The following NUP155 variants were observed in gnomAD, a reference collection of about 807,000 sequenced individuals.
NUP155 encodes the protein nuclear pore complex protein Nup155.
In NUP155, 71 loss-of-function variants were observed where a neutral mutation model predicts 180.4. The observed-to-expected ratio is 0.39, with a 90% CI of 0.33 to 0.48. The LOEUF is 0.48. Ranked by LOEUF, NUP155 falls within the 20% of genes least tolerant of loss-of-function variation. The pLI, the probability that NUP155 is intolerant of heterozygous loss-of-function variation, is 0.91. For missense variants in NUP155, 1,553 were observed against 1,648.9 expected (o/e 0.94, Z 1.01); for synonymous variants, 582 against 559.5 (o/e 1.04, Z -0.57).
chr5:37,355,046 C>G (rs942252852), intron 4 of NUP155, among the ~76,000 whole-genome samples: 81 of 148,992 alleles, frequency 5.4e-4, no homozygotes, highest in African/African-American at 1.9e-3. Context: ...GAGCCGAGAT[C>G]GTGCCATTGC....
chr5:37,324,598 C>A (rs1004428567), intron 19 of NUP155, among the ~76,000 whole-genome samples: 1 of 151,848 alleles, frequency 6.6e-6, no homozygotes, highest in Non-Finnish European at 1.5e-5. Flanking sequence ...TTGTTGTTGC[C>A]TGGGAGTGTA....
At chr5:37,370,372 CAATA>C (rs1287500450) in intron 1 of NUP155, among the ~76,000 whole-genome samples, 6 of 152,052 alleles carry the variant, frequency 3.9e-5, no homozygotes, top group Non-Finnish European at 7.3e-5. Context: ...CGCTCCGTCT[CAATA>C]AATAAACAAA....
At position 37,299,439 on chromosome 5, in the gene NUP155, AAC is replaced by A; in HGVS notation, c.3682+7_3682+8del. On this transcript the variant is annotated splice_region_variant and intron_variant, in intron 31 of 34. Transcript: ENST00000231498. ...ACGTATGCTAACATACCTATAACTG[AAC>A]ACTTACCTTTCTCTATGATATCTTG... 1 of 1,614,048 alleles carries A rather than the reference AAC, an allele frequency of 6.2e-7. No homozygotes were observed. Among genetic ancestry groups the A allele is most frequent in the Non-Finnish European group, 8.5e-7 (1 of 1,179,962 alleles).
At chr5:37,343,282 G>A (rs564594241) in intron 9 of NUP155, among the ~76,000 whole-genome samples, 42 of 152,050 alleles carry the variant, frequency 2.8e-4, no homozygotes, top group African/African-American at 9.2e-4. Context: ...CACTATGTTA[G>A]CCAGGATGGT....
chr5:37,300,010 T>G (rs1485506401), intron 30 of NUP155, among the ~76,000 whole-genome samples: 1 of 147,866 alleles, frequency 6.8e-6, no homozygotes, highest in Middle Eastern at 3.5e-3. Context: ...AGAGAAAGAC[T>G]CTGTCTCCCC....
intron 20 of NUP155, among the ~76,000 whole-genome samples, chr5:37,318,819 C>A (rs1268034202): frequency 4.0e-5 from 6 of 151,866 alleles, no homozygotes; most frequent in Non-Finnish European, 8.8e-5. Flanking sequence ...TTTTGAATTT[C>A]GGTAACAAAA....
intron 33 of NUP155, among the ~76,000 whole-genome samples, chr5:37,294,020 A>AAAAAAAAAT (rs1742380791): frequency 1.3e-5 from 1 of 76,012 alleles, no homozygotes; most frequent in Non-Finnish European, 2.1e-5. Context: ...AAAAAAAAAA[A>AAAAAAAAAT]AAAAAAAATA....
chr5:37,291,658 C>A lies in NUP155; in HGVS notation c.*242G>T. The A allele has an allele frequency of 2.7e-6, 1 of 365,300 alleles. No individual in the cohort carries two copies. The highest frequency in any genetic ancestry group is 5.0e-6 in the Non-Finnish European group (1 of 200,874). 22.6% of individuals were successfully genotyped at this position (365,300 alleles called of 1,614,324 possible). A position where few individuals can be genotyped will look rare whatever the true frequency, so the allele number is the denominator to read the frequency against. Reference sequence around the variant, plus strand: ...TAAGAGTTTCTAAATTTTTTTAATCCTTATGTTAAAATAATAAATAATCTC... The same window carrying A: ...TAAGAGTTTCTAAATTTTTTTAATCATTATGTTAAAATAATAAATAATCTC... On this transcript the variant is annotated 3_prime_UTR_variant, in exon 35 of 35. Transcript: ENST00000231498.
chr5:37,338,590 A>T (rs1447666488), intron 11 of NUP155, among the ~76,000 whole-genome samples: 1 of 151,960 alleles, frequency 6.6e-6, no homozygotes, highest in East Asian at 2.0e-4. Context: ...TATTTTTAGT[A>T]GAGACGAGGT....
At chr5:37,348,392 CTT>C in intron 9 of NUP155, 111 bp downstream of exon 9, 1 of 767,992 alleles carries the variant, frequency 1.3e-6, no homozygotes, top group Non-Finnish European at 2.4e-6. Context: ...TTCAACATTC[CTT>C]GTCTTTTAGA....
At chr5:37,296,015 C>A (rs1742537640) in intron 32 of NUP155, among the ~76,000 whole-genome samples, 2 of 142,118 alleles carry the variant, frequency 1.4e-5, no homozygotes, top group Admixed American at 1.4e-4. Context: ...GGGGGGTCAG[C>A]CCCCCGCCCG....
In NUP155 at chr5:37,310,510, C is replaced by A. The variant is rs541574051; in HGVS notation, c.2628+42G>T. On this transcript the variant is annotated intron_variant, in intron 23 of 34. Transcript: ENST00000231498. ...ACAAGATGGTTCATCATACATGATA[C>A]CTCTTATAACAAACAATGAAATAGG... 1.3e-5 allele frequency: 19 copies of A among 1,509,150 alleles called. No homozygotes were observed. The South Asian group carries it at 2.0e-4, about 16-fold the overall frequency. 93.5% of individuals were successfully genotyped at this position (1,509,150 alleles called of 1,614,324 possible). A position where few individuals can be genotyped will look rare whatever the true frequency, so the allele number is the denominator to read the frequency against.
chr5:37,295,490 GTC>G (rs1742488425), intron 32 of NUP155, among the ~76,000 whole-genome samples: 1 of 151,298 alleles, frequency 6.6e-6, no homozygotes. Flanking sequence ...AGTGAGGAGC[GTC>G]TCTGCCTGGC....
At chr5:37,348,880 C>G (rs577363723) in intron 8 of NUP155, among the ~76,000 whole-genome samples, 1 of 152,076 alleles carries the variant, frequency 6.6e-6, no homozygotes, top group South Asian at 2.1e-4. Flanking sequence ...CTCAGCCTCC[C>G]AAGTAGCTGG....
intron 20 of NUP155, among the ~76,000 whole-genome samples, chr5:37,321,768 T>G (rs1302800256): frequency 6.6e-6 from 1 of 152,176 alleles, no homozygotes; most frequent in Non-Finnish European, 1.5e-5. Context: ...ACACACAAAG[T>G]ATGAATAATG....
intron 22 of NUP155, among the ~76,000 whole-genome samples, chr5:37,313,438 A>C (rs1297303946): frequency 6.6e-6 from 1 of 151,432 alleles, no homozygotes; most frequent in Non-Finnish European, 1.5e-5. Flanking sequence ...AAAAAAAAAA[A>C]AAAGAAAACA....
intron 4 of NUP155, among the ~76,000 whole-genome samples, chr5:37,355,014 C>T (rs1309293145): frequency 1.3e-5 from 2 of 151,676 alleles, no homozygotes; most frequent in East Asian, 3.9e-4. Context: ...ATCGCTTGAA[C>T]CCGGGAGGCG....
intron 3 of NUP155, among the ~76,000 whole-genome samples, chr5:37,362,838 G>GA (rs1214052222): frequency 6.6e-6 from 1 of 152,054 alleles, no homozygotes; most frequent in Non-Finnish European, 1.5e-5. Context: ...ACTTCTAGTA[G>GA]AAAAAAATGG....
At chr5:37,362,292 T>G (rs935607880) in intron 3 of NUP155, among the ~76,000 whole-genome samples, 3 of 143,940 alleles carry the variant, frequency 2.1e-5, no homozygotes, top group African/African-American at 5.1e-5. Flanking sequence ...TTCATTAGTG[T>G]TTTTTTTTTT....
Sources: allele counts gnomAD v4.1 joint callset (sites outside exome capture counted in the v4.1 genomes callset), GRCh38; gene constraint gnomAD v4.1.1; transcripts MANE v1.5; gene names NCBI Gene and HGNC (gene_info 2026-07-23, HGNC 2026-07-21).